MATCAP2: variants seen among roughly 807,000 people sequenced by gnomAD.
MATCAP2 encodes microtubule associated tyrosine carboxypeptidase 2.
the MATCAP2 span, among the ~76,000 whole-genome samples, chr7:36,382,969 AG>A: frequency 6.6e-6 from 1 of 152,254 alleles, no homozygotes; most frequent in African/African-American, 2.4e-5. Context: ...AGGAGATTAA[AG>A]TTGTATGCAT....
chr7:36,387,864 C>A, the MATCAP2 span, among the ~76,000 whole-genome samples: 8 of 152,010 alleles, frequency 5.3e-5, no homozygotes, highest in Non-Finnish European at 8.8e-5. Context: ...ACTCATTTTC[C>A]AACGTTGTTT....
chr7:36,373,245 A>C, the MATCAP2 span, among the ~76,000 whole-genome samples: 2 of 152,292 alleles, frequency 1.3e-5, no homozygotes, highest in Middle Eastern at 3.4e-3. Flanking sequence ...AAAAAACAAC[A>C]ACCAAGTTAA....
the MATCAP2 span, chr7:36,330,849 A>G: frequency 1.8e-6 from 1 of 549,962 alleles, no homozygotes. Context: ...CCCTCTTGAT[A>G]CGACATAAAG....
chr7:36,354,271 C>CA, the MATCAP2 span, among the ~76,000 whole-genome samples: 1 of 152,124 alleles, frequency 6.6e-6, no homozygotes, highest in Non-Finnish European at 1.5e-5. Flanking sequence ...CTGCCTAGAC[C>CA]AAAAAACCTG....
chr7:36,363,058 AGAG>A, the MATCAP2 span, among the ~76,000 whole-genome samples: 1 of 152,226 alleles, frequency 6.6e-6, no homozygotes, highest in Non-Finnish European at 1.5e-5. Flanking sequence ...AGAATATTTG[AGAG>A]GAAAGAAAGG....
At chr7:36,364,747 T>C in the MATCAP2 span, among the ~76,000 whole-genome samples, 1 of 152,146 alleles carries the variant, frequency 6.6e-6, no homozygotes, top group Non-Finnish European at 1.5e-5. Context: ...CTACATGAAG[T>C]TTCTGGCTGT....
chr7:36,328,239 T>TGGGGGGGG, the MATCAP2 span, among the ~76,000 whole-genome samples: 1 of 25,232 alleles, frequency 4.0e-5, no homozygotes, highest in African/African-American at 1.0e-4. Flanking sequence ...TTTGTTTTTG[T>TGGGGGGGG]AGGGGGGGGG....
At chr7:36,387,411 CAT>C in the MATCAP2 span, among the ~76,000 whole-genome samples, 1,390 of 152,066 alleles carry the variant, frequency 9.1e-3, 20 homozygotes, top group African/African-American at 0.03. Flanking sequence ...TATTTCATAA[CAT>C]AATTTTTTTG....
chr7:36,383,978 AT>A, the MATCAP2 span: 1 of 890,368 alleles, frequency 1.1e-6, no homozygotes, highest in Non-Finnish European at 1.6e-6. Flanking sequence ...TGAATTAAGT[AT>A]AAATAGTCTA....
chr7:36,327,943 T>G, the MATCAP2 span, among the ~76,000 whole-genome samples: 1 of 152,350 alleles, frequency 6.6e-6, no homozygotes, highest in Admixed American at 6.5e-5. Flanking sequence ...ATCTTCTTGC[T>G]TTTATTTTGA....
chr7:36,382,395 ACT>A, the MATCAP2 span, among the ~76,000 whole-genome samples: 1 of 151,506 alleles, frequency 6.6e-6, no homozygotes, highest in Non-Finnish European at 1.5e-5. Flanking sequence ...CAATAAATTG[ACT>A]CTGATATTTA....
the MATCAP2 span, among the ~76,000 whole-genome samples, chr7:36,381,260 G>A: frequency 7.9e-5 from 12 of 152,278 alleles, no homozygotes; most frequent in South Asian, 2.5e-3. Flanking sequence ...TTGAAATCTT[G>A]GAGTTGGAGC....
At chr7:36,342,932 G>A in the MATCAP2 span, among the ~76,000 whole-genome samples, 1 of 152,098 alleles carries the variant, frequency 6.6e-6, no homozygotes, top group Non-Finnish European at 1.5e-5. Flanking sequence ...AGCCACAGAT[G>A]AGTAATTTTT....
At chr7:36,335,692 A>C in the MATCAP2 span, among the ~76,000 whole-genome samples, 2 of 152,282 alleles carry the variant, frequency 1.3e-5, no homozygotes, top group African/African-American at 4.8e-5. Flanking sequence ...AATTCAATGC[A>C]ACAGGAACTT....
At chr7:36,385,741 G>A in the MATCAP2 span, among the ~76,000 whole-genome samples, 11 of 149,342 alleles carry the variant, frequency 7.4e-5, no homozygotes, top group South Asian at 2.1e-4. Flanking sequence ...AGCTGTGATC[G>A]TGCCACTGCA....
At chr7:36,347,593 C>T in the MATCAP2 span, among the ~76,000 whole-genome samples, 1 of 152,138 alleles carries the variant, frequency 6.6e-6, no homozygotes, top group African/African-American at 2.4e-5. Context: ...AATCTCTGCC[C>T]TATTTACCCC....
At chr7:36,337,517 T>C in the MATCAP2 span, 1 of 152,318 alleles carries the variant, frequency 6.6e-6, no homozygotes, top group East Asian at 1.9e-4. Context: ...ACATGTCATA[T>C]AAAGTCTGTA....
At chr7:36,329,536 CCAGA>C in the MATCAP2 span, among the ~76,000 whole-genome samples, 4 of 151,994 alleles carry the variant, frequency 2.6e-5, no homozygotes, top group African/African-American at 9.7e-5. Flanking sequence ...CAAACTGTGC[CCAGA>C]CATTTTACTG....
chr7:36,328,053 C>A, the MATCAP2 span, among the ~76,000 whole-genome samples: 2 of 152,036 alleles, frequency 1.3e-5, no homozygotes, highest in Non-Finnish European at 2.9e-5. Context: ...TTTTAAAGTT[C>A]TATAAATTAT....
Sources: allele counts gnomAD v4.1 joint callset (sites outside exome capture counted in the v4.1 genomes callset), GRCh38; gene constraint gnomAD v4.1.1; transcripts MANE v1.5; gene names NCBI Gene and HGNC (gene_info 2026-07-23, HGNC 2026-07-21).